ASB3: variants seen among roughly 807,000 people sequenced by gnomAD.
ASB3 encodes the protein ankyrin repeat and SOCS box protein 3.
In ASB3, 41 loss-of-function variants were observed where a neutral mutation model predicts 54.5. The ratio of observed to expected loss-of-function variants is 0.75; its 90% CI spans 0.59 to 0.98. ASB3 has a LOEUF of 0.98. Among genes scored for constraint, ASB3 ranks in the 50% least tolerant of loss-of-function variants. The pLI, the probability that ASB3 is intolerant of heterozygous loss-of-function variation, is 0.00. For synonymous variants in ASB3, 266 were observed against 221.2 expected (o/e 1.20, Z -1.80); for missense variants, 733 against 620.0 (o/e 1.18, Z -1.94).
At chr2:53,729,093 T>C (rs758440084) in intron 4 of ASB3, among the ~76,000 whole-genome samples, 25 of 152,146 alleles carry the variant, frequency 1.6e-4, no homozygotes, top group Non-Finnish European at 3.2e-4. Context: ...ATAAACCTTA[T>C]AGAATCCTGA....
chr2:53,764,953 G>C (rs540287950), intron 2 of ASB3, among the ~76,000 whole-genome samples: 74 of 152,298 alleles, frequency 4.9e-4, no homozygotes, highest in African/African-American at 1.5e-3. Flanking sequence ...ATGCTAAGTA[G>C]TTGTAAAAAT....
intron 9 of ASB3, among the ~76,000 whole-genome samples, chr2:53,688,774 G>T (rs1390361939): frequency 6.6e-6 from 1 of 151,994 alleles, no homozygotes; most frequent in Non-Finnish European, 1.5e-5. Flanking sequence ...TCACACACTG[G>T]GGCCTGTTGG....
intron 7 of ASB3, among the ~76,000 whole-genome samples, chr2:53,713,023 C>T (rs1670192260): frequency 6.6e-6 from 1 of 152,026 alleles, no homozygotes; most frequent in South Asian, 2.1e-4. Context: ...TAACCAAAAC[C>T]CAAATATTCA....
At chr2:53,754,006 T>C (rs1672676681) in intron 2 of ASB3, among the ~76,000 whole-genome samples, 1 of 152,050 alleles carries the variant, frequency 6.6e-6, no homozygotes, top group Non-Finnish European at 1.5e-5. Context: ...AAATGGCTGA[T>C]TCTAAGGCTG....
intron 5 of ASB3, among the ~76,000 whole-genome samples, chr2:53,717,896 T>C (rs1670485336): frequency 6.6e-6 from 1 of 152,064 alleles, no homozygotes; most frequent in African/African-American, 2.4e-5. Context: ...TTTCAAAATA[T>C]AACTGCAAGT....
At chr2:53,726,510 C>T (rs1352298973) in intron 5 of ASB3, among the ~76,000 whole-genome samples, 1 of 151,696 alleles carries the variant, frequency 6.6e-6, no homozygotes, top group Non-Finnish European at 1.5e-5. Flanking sequence ...ATCTGCCCAC[C>T]TTGGCCTCCC....
At chr2:53,717,544 C>T (rs1300591411) in intron 5 of ASB3, among the ~76,000 whole-genome samples, 3 of 151,946 alleles carry the variant, frequency 2.0e-5, no homozygotes, top group Admixed American at 1.3e-4. Flanking sequence ...AAAAAAATCC[C>T]ACCTGCATGA....
intron 9 of ASB3, among the ~76,000 whole-genome samples, chr2:53,682,462 T>C (rs1365218634): frequency 6.6e-6 from 1 of 152,106 alleles, no homozygotes; most frequent in Non-Finnish European, 1.5e-5. Context: ...TTTTTATTTC[T>C]TTTTCAGATT....
At chr2:53,728,620 C>T in intron 5 of ASB3, 92 bp downstream of exon 5, 1 of 1,358,110 alleles carries the variant, frequency 7.4e-7, no homozygotes, top group Non-Finnish European at 9.5e-7. Flanking sequence ...ATTTCACAAC[C>T]TGATTTATAT....
intron 1 of ASB3, among the ~76,000 whole-genome samples, chr2:53,786,080 T>G (rs1333440477): frequency 1.3e-5 from 2 of 152,220 alleles, no homozygotes; most frequent in African/African-American, 4.8e-5. Flanking sequence ...CTAGCAAGAC[T>G]GTCGAGCTTT....
intron 9 of ASB3, among the ~76,000 whole-genome samples, chr2:53,675,958 T>A (rs1368196582): frequency 6.6e-6 from 1 of 152,204 alleles, no homozygotes; most frequent in African/African-American, 2.4e-5. Flanking sequence ...TCAGTTAAAA[T>A]GTCATCTCTT....
intron 1 of ASB3, chr2:53,774,674 G>A (rs1674209618): frequency 7.0e-6 from 4 of 574,672 alleles, no homozygotes; most frequent in Non-Finnish European, 8.3e-6. Context: ...TTAAAATATT[G>A]GGATACAGTG....
intron 1 of ASB3, among the ~76,000 whole-genome samples, chr2:53,781,693 C>G (rs879141066): frequency 3.9e-5 from 6 of 152,100 alleles, no homozygotes; most frequent in Non-Finnish European, 8.8e-5. Flanking sequence ...CAGGGTTTCT[C>G]CAGGTTGGTC....
At chr2:53,679,334 A>C (rs1482833218) in intron 9 of ASB3, among the ~76,000 whole-genome samples, 2 of 152,144 alleles carry the variant, frequency 1.3e-5, no homozygotes, top group African/African-American at 4.8e-5. Context: ...CAAAACACCA[A>C]GTCCCCTACC....
At chr2:53,710,584 G>C (rs1403344924) in intron 7 of ASB3, among the ~76,000 whole-genome samples, 1 of 152,198 alleles carries the variant, frequency 6.6e-6, no homozygotes, top group East Asian at 1.9e-4. Context: ...TGAATGTTAT[G>C]CTGTATAAAT....
chr2:53,695,296 C>T (rs1288351408), intron 8 of ASB3, among the ~76,000 whole-genome samples: 1 of 152,092 alleles, frequency 6.6e-6, no homozygotes, highest in Non-Finnish European at 1.5e-5. Context: ...AATAAGCAAA[C>T]ATCTAAGGAA....
intron 1 of ASB3, among the ~76,000 whole-genome samples, chr2:53,770,356 C>T (rs1673812092): frequency 6.6e-6 from 1 of 151,974 alleles, no homozygotes; most frequent in African/African-American, 2.4e-5. Flanking sequence ...GACACAAATG[C>T]CTGGATGATT....
intron 1 of ASB3, among the ~76,000 whole-genome samples, chr2:53,772,122 A>C (rs978542114): frequency 2.0e-5 from 3 of 152,166 alleles, no homozygotes; most frequent in African/African-American, 7.2e-5. Flanking sequence ...GAAAAGTTAG[A>C]ATGCAGAGTG....
At chr2:53,760,566 T>C (rs1303548216) in intron 2 of ASB3, among the ~76,000 whole-genome samples, 1 of 152,178 alleles carries the variant, frequency 6.6e-6, no homozygotes, top group Non-Finnish European at 1.5e-5. Context: ...CAAGAGTACA[T>C]AGCTTCTTCC....
Sources: gnomAD v4.1 joint callset for allele counts (sites outside exome capture counted in the v4.1 genomes callset) on GRCh38, gnomAD v4.1.1 for gene constraint, MANE v1.5 for transcripts, NCBI Gene and HGNC (gene_info 2026-07-23, HGNC 2026-07-21) for gene names.